TUBB8: variants seen among roughly 807,000 people sequenced by gnomAD.
TUBB8 encodes the protein tubulin beta-8 chain.
Under a neutral mutation model 33.7 loss-of-function variants are expected in TUBB8, and 25 were observed. The ratio of observed to expected loss-of-function variants is 0.74; its 90% confidence interval spans 0.54 to 1.04. The LOEUF is 1.04. TUBB8 is among the 50% of genes least tolerant of loss of function. The pLI is 0.00. For missense variants in TUBB8, 279 were observed against 608.0 expected (o/e 0.46, Z 5.69); for synonymous variants, 245 against 240.1 (o/e 1.02, Z -0.19).
intron 1 of TUBB8, among the ~76,000 whole-genome samples, chr10:71,837 G>C (rs1554742355): frequency 2.0e-5 from 3 of 152,040 alleles, no homozygotes; most frequent in Non-Finnish European, 4.4e-5. Flanking sequence ...TGGAGCCCAG[G>C]AGGTCAAGGC....
At chr10:75,276 G>T (rs1834796651), upstream of TUBB8, among the ~76,000 whole-genome samples, 1 of 151,978 alleles carries the variant, frequency 6.6e-6, no homozygotes, top group Non-Finnish European at 1.5e-5. Context: ...TGGAGCCCAG[G>T]ACACCGAGGC....
chr10:50,505 A>G (rs1834453581), upstream of TUBB8, among the ~76,000 whole-genome samples: 1 of 152,102 alleles, frequency 6.6e-6, no homozygotes, highest in Non-Finnish European at 1.5e-5. Context: ...GGCATCTACA[A>G]GGGCATTTCC....
chr10:57,771 C>T (rs1222946050), intron 1 of TUBB8, among the ~76,000 whole-genome samples: 2 of 152,046 alleles, frequency 1.3e-5, no homozygotes, highest in Non-Finnish European at 2.9e-5. Flanking sequence ...TTCTAAAATG[C>T]CTTCAATTCC....
At chr10:46,803 C>T (rs1279574469), downstream of TUBB8, 1 of 424,478 alleles carries the variant, frequency 2.4e-6, no homozygotes, top group Non-Finnish European at 4.3e-6. Flanking sequence ...TGTGATGAAC[C>T]CAGACAGCTT....
chr10:67,287 C>G (rs190686085), intron 1 of TUBB8, among the ~76,000 whole-genome samples: 44 of 152,168 alleles, frequency 2.9e-4, no homozygotes, highest in African/African-American at 9.6e-4. Context: ...CTGTAGATGG[C>G]TTTGTGTAGT....
At chr10:49,398 G>A (rs1834435116), upstream of TUBB8, 5 of 755,546 alleles carry the variant, frequency 6.6e-6, no homozygotes, top group South Asian at 3.0e-5. Context: ...TTCCACACAG[G>A]TGCACCCACC....
chr10:62,921 T>G (rs1834621785), intron 1 of TUBB8, among the ~76,000 whole-genome samples: 1 of 152,232 alleles, frequency 6.6e-6, no homozygotes, highest in Non-Finnish European at 1.5e-5. Flanking sequence ...GAATCATTTC[T>G]TTATCCTTAA....
At chr10:70,543 A>G (rs755521709) in intron 1 of TUBB8, among the ~76,000 whole-genome samples, 32 of 152,228 alleles carry the variant, frequency 2.1e-4, no homozygotes, top group Non-Finnish European at 3.2e-4. Context: ...AAAGATATAA[A>G]TTAGAAGTCA....
intron 1 of TUBB8, among the ~76,000 whole-genome samples, chr10:72,857 A>T (rs1424572634): frequency 1.3e-5 from 2 of 151,892 alleles, no homozygotes; most frequent in Non-Finnish European, 2.9e-5. Context: ...ATCTCAAAAA[A>T]AAAAAAAAAA....
intron 1 of TUBB8, among the ~76,000 whole-genome samples, chr10:65,014 G>A (rs1238839392): frequency 6.7e-6 from 1 of 148,378 alleles, no homozygotes; most frequent in African/African-American, 2.5e-5. Context: ...TGGGCATGTT[G>A]GCACGCACCT....
At position 70,606 on chromosome 10, in the gene TUBB8, G is replaced by C. The variant is rs544935039; in HGVS notation, c.-846+3363C>G. ...TGTAATCACAGTACTTTGGGAGGCC[G>C]AGGCGGGCGGATCAGCTGAGGTCAG... On this transcript the variant is annotated intron_variant, in intron 1 of 3. Transcript: ENST00000564130. 6.6e-5 allele frequency among the ~76,000 whole-genome samples: 10 copies of C among 152,034 alleles called. No individual in the cohort carries two copies. The East Asian group carries it at 1.9e-3, about 30-fold the overall frequency.
intron 1 of TUBB8, among the ~76,000 whole-genome samples, chr10:69,380 C>T (rs1426661615): frequency 6.6e-6 from 1 of 152,214 alleles, no homozygotes; most frequent in African/African-American, 2.4e-5. Flanking sequence ...TTGTCTAAGA[C>T]ACTGTCCAGC....
At chr10:59,043 A>G (rs185583612) in intron 1 of TUBB8, among the ~76,000 whole-genome samples, 1 of 152,178 alleles carries the variant, frequency 6.6e-6, no homozygotes, top group Non-Finnish European at 1.5e-5. Context: ...CCCACTTGGT[A>G]TGATACTAGC....
chr10:48,038 G>A lies in TUBB8; in HGVS notation c.354C>T (p.Asp118=), dbSNP rs75953774. 150,037 of 1,486,482 alleles carry A rather than the reference G, an allele frequency of 0.1. No individual in the cohort carries two copies. The highest frequency in any genetic ancestry group is 0.17 in the Middle Eastern group (852 of 5,122). 92.1% of individuals were successfully genotyped at this position (1,486,482 alleles called of 1,614,324 possible). Residue 118 remains aspartate, a synonymous_variant, in exon 4 of 4, where the codon GAC becomes GAT. Coordinates refer to ENST00000568584, the MANE Select transcript of TUBB8 (RefSeq NM_177987.3). Reference sequence around the variant, plus strand: ...AGCTCTCAGCCTCCTTTCTGACAACGTCCATCACTGACTCCATCAGCTCCG... The same window carrying A: ...AGCTCTCAGCCTCCTTTCTGACAACATCCATCACTGACTCCATCAGCTCCG... The part of the protein sequence containing the change: ...EGAELMESVM[D]VVRKEAESCD...
chr10:75,545 C>T (rs1313800611), upstream of TUBB8, among the ~76,000 whole-genome samples: 2 of 150,384 alleles, frequency 1.3e-5, no homozygotes, highest in African/African-American at 2.5e-5. Context: ...ATCGTAGCTA[C>T]TCCGGAGGCT....
chr10:51,228 C>T (rs1436739109), upstream of TUBB8, among the ~76,000 whole-genome samples: 1 of 152,160 alleles, frequency 6.6e-6, no homozygotes, highest in Non-Finnish European at 1.5e-5. Context: ...CCTGTCTCAG[C>T]CTCCCGAGTG....
At position 49,292 on chromosome 10, in the gene TUBB8, G is replaced by A. The variant is rs1267808901; in HGVS notation, c.-54C>T. On this transcript the variant is annotated 5_prime_UTR_variant, in exon 1 of 4. Transcript: ENST00000568584. Reference sequence around the variant, plus strand: ...AAACGTGAGAAGGAGGAGCAGACGCGCAGCGACCCAGCCCGCCCTCCGCCA... The same window carrying A: ...AAACGTGAGAAGGAGGAGCAGACGCACAGCGACCCAGCCCGCCCTCCGCCA... The A allele has an allele frequency of 4.8e-5, 74 of 1,534,818 alleles. No individual in the cohort carries two copies. The Middle Eastern group carries it at 6.7e-4, about 14-fold the overall frequency.
intron 3 of TUBB8, 131 bp downstream of exon 3, chr10:48,484 C>T (rs1430845377): frequency 3.4e-6 from 3 of 883,878 alleles, no homozygotes; most frequent in Non-Finnish European, 5.5e-6. Context: ...GATTGAGCGA[C>T]TCGACTCGGA....
chr10:55,184 G>GAGC (rs1183272526), intron 1 of TUBB8, among the ~76,000 whole-genome samples: 8 of 148,572 alleles, frequency 5.4e-5, no homozygotes, highest in Non-Finnish European at 1.0e-4. Context: ...GCAGGCGAGA[G>GAGC]AGCATATATG....
Sources: allele counts gnomAD v4.1 joint callset (sites outside exome capture counted in the v4.1 genomes callset), GRCh38; gene constraint gnomAD v4.1.1; transcripts MANE v1.5; gene names NCBI Gene and HGNC (gene_info 2026-07-23, HGNC 2026-07-21).